Variants in HEMK2 observed in about 807,000 individuals in gnomAD.
The protein encoded by HEMK2 is methyltransferase HEMK2.
the HEMK2 span, among the ~76,000 whole-genome samples, chr21:28,733,484 A>G: frequency 6.6e-6 from 1 of 152,176 alleles, no homozygotes; most frequent in African/African-American, 2.4e-5. Flanking sequence ...TCTTCCTGGG[A>G]CATACACGCA....
the HEMK2 span, among the ~76,000 whole-genome samples, chr21:28,782,353 C>G: frequency 6.6e-6 from 1 of 152,170 alleles, no homozygotes; most frequent in African/African-American, 2.4e-5. Context: ...TATAGGCACT[C>G]TAGGCAAAAG....
the HEMK2 span, among the ~76,000 whole-genome samples, chr21:28,607,131 C>T: frequency 1.3e-4 from 20 of 152,060 alleles, no homozygotes; most frequent in African/African-American, 4.8e-4. Context: ...TGTTTGAGGG[C>T]CGGGTGCAGT....
At chr21:28,847,771 T>C in the HEMK2 span, among the ~76,000 whole-genome samples, 13 of 152,242 alleles carry the variant, frequency 8.5e-5, no homozygotes, top group Admixed American at 2.0e-4. Context: ...TTTAAGTCTT[T>C]AATCCACCTT....
chr21:28,755,569 A>G, the HEMK2 span, among the ~76,000 whole-genome samples: 487 of 152,348 alleles, frequency 3.2e-3, 4 homozygotes, highest in African/African-American at 0.011. Flanking sequence ...AGGCTTGCTC[A>G]GGAATCACCT....
chr21:28,685,710 T>A, the HEMK2 span, among the ~76,000 whole-genome samples: 1 of 152,194 alleles, frequency 6.6e-6, no homozygotes, highest in Non-Finnish European at 1.5e-5. Flanking sequence ...ACATGTTCTG[T>A]ATAAACTGAA....
At chr21:28,831,669 A>AGG in the HEMK2 span, among the ~76,000 whole-genome samples, 1 of 60,140 alleles carries the variant, frequency 1.7e-5, no homozygotes, top group Non-Finnish European at 3.2e-5. Context: ...GAAAGAAAGA[A>AGG]AGAAAGAAAG....
At chr21:28,598,451 G>A in the HEMK2 span, among the ~76,000 whole-genome samples, 2 of 152,130 alleles carry the variant, frequency 1.3e-5, no homozygotes. Context: ...GAGCTTATCT[G>A]GTTGGCAACA....
At chr21:28,581,062 G>T in the HEMK2 span, among the ~76,000 whole-genome samples, 70,909 of 151,838 alleles carry the variant, frequency 0.47, 20,561 homozygotes, top group Non-Finnish European at 0.64. Flanking sequence ...ACAGTAAAGG[G>T]TCAGTATCTT....
the HEMK2 span, among the ~76,000 whole-genome samples, chr21:28,626,415 AATTC>A: frequency 2.6e-5 from 4 of 152,192 alleles, no homozygotes; most frequent in African/African-American, 9.6e-5. Context: ...CAAATTAGTT[AATTC>A]ATTGTTAAGA....
chr21:28,702,696 T>C, the HEMK2 span, among the ~76,000 whole-genome samples: 1 of 152,156 alleles, frequency 6.6e-6, no homozygotes. Flanking sequence ...TGGAAACACT[T>C]ATACACAGCT....
the HEMK2 span, among the ~76,000 whole-genome samples, chr21:28,642,999 C>T: frequency 4.5e-4 from 68 of 152,212 alleles, no homozygotes; most frequent in Admixed American, 3.9e-3. Context: ...GGGGTTTAGC[C>T]GGGAACCCAG....
At chr21:28,838,972 A>AAAATATAT in the HEMK2 span, among the ~76,000 whole-genome samples, 2 of 29,160 alleles carry the variant, frequency 6.9e-5, no homozygotes, top group African/African-American at 1.9e-4. Context: ...AAAAAAAAAA[A>AAAATATAT]ATATATATAT....
the HEMK2 span, among the ~76,000 whole-genome samples, chr21:28,751,880 T>C: frequency 6.6e-6 from 1 of 152,166 alleles, no homozygotes; most frequent in Non-Finnish European, 1.5e-5. Flanking sequence ...GGTTTCTCCA[T>C]ATTGGTCACA....
At chr21:28,740,198 A>G in the HEMK2 span, among the ~76,000 whole-genome samples, 1 of 152,224 alleles carries the variant, frequency 6.6e-6, no homozygotes, top group African/African-American at 2.4e-5. Flanking sequence ...CTTAAAGCCT[A>G]TCTATATCTT....
chr21:28,745,269 T>C, the HEMK2 span, among the ~76,000 whole-genome samples: 1 of 152,188 alleles, frequency 6.6e-6, no homozygotes, highest in East Asian at 1.9e-4. Flanking sequence ...TATTTCAGAT[T>C]TAGTTGGAGA....
chr21:28,841,101 T>TTATATATTATATATATTATATATTA, the HEMK2 span, among the ~76,000 whole-genome samples: 1 of 41,232 alleles, frequency 2.4e-5, no homozygotes, highest in African/African-American at 1.4e-4. Context: ...ATATTATATA[T>TTATATATTATATATATTATATATTA]TATATAATAA....
At chr21:28,786,500 G>A in the HEMK2 span, among the ~76,000 whole-genome samples, 1 of 151,970 alleles carries the variant, frequency 6.6e-6, no homozygotes, top group African/African-American at 2.4e-5. Flanking sequence ...GTGAAACCCT[G>A]TCTCTTCTAA....
At chr21:28,831,490 A>AAG in the HEMK2 span, among the ~76,000 whole-genome samples, 4 of 73,630 alleles carry the variant, frequency 5.4e-5, no homozygotes, top group African/African-American at 2.5e-4. Flanking sequence ...AAAGAAAGAA[A>AAG]GAAAGAAAGA....
At chr21:28,745,149 G>A in the HEMK2 span, among the ~76,000 whole-genome samples, 2 of 152,162 alleles carry the variant, frequency 1.3e-5, no homozygotes, top group East Asian at 1.9e-4. Flanking sequence ...TGACTGCTGC[G>A]AGTGGGAAGC....
Sources: gnomAD v4.1 joint callset for allele counts (sites outside exome capture counted in the v4.1 genomes callset) on GRCh38, gnomAD v4.1.1 for gene constraint, MANE v1.5 for transcripts, NCBI Gene and HGNC (gene_info 2026-07-23, HGNC 2026-07-21) for gene names.